SESTD1: variants seen among roughly 807,000 people sequenced by gnomAD.
SESTD1 encodes the protein SEC14 and spectrin domain containing 1.
A neutral mutation model predicts 101.7 loss-of-function variants in SESTD1; 43 were observed. The ratio of observed to expected loss-of-function variants is 0.42; its 90% confidence interval spans 0.33 to 0.55. The LOEUF is 0.55. Ranked by LOEUF, SESTD1 falls within the 20% of genes least tolerant of loss-of-function variation. The probability of loss-of-function intolerance (pLI) is 0.07; values close to 1 mark genes in which losing one functional copy is unlikely to be tolerated. For synonymous variants in SESTD1, 283 were observed against 286.8 expected (o/e 0.99, Z 0.13); for missense variants, 647 against 815.1 (o/e 0.79, Z 2.51).
intron 13 of SESTD1, among the ~76,000 whole-genome samples, chr2:179,121,016 G>T (rs1311446723): frequency 6.6e-6 from 1 of 152,134 alleles, no homozygotes; most frequent in Non-Finnish European, 1.5e-5. Flanking sequence ...GATATTTTTT[G>T]ATATAAACGG....
intron 5 of SESTD1, among the ~76,000 whole-genome samples, chr2:179,161,576 C>T (rs148355764): frequency 0.026 from 4,001 of 151,484 alleles, 83 homozygotes; most frequent in Non-Finnish European, 0.035. Flanking sequence ...CAAGGAGAAT[C>T]GCTTGAACCC....
rs1215406890 is a variant in SESTD1 at position 179,172,267 on chromosome 2, C to A, written c.256-34G>T. On this transcript the variant is annotated intron_variant, in intron 4 of 17. Transcript: ENST00000428443. The stretch of plus-strand genomic sequence containing the variant: ...TACAGAAAAATAATTACAAATTACA[C>A]ATGTAAAATGAATAATTTACTAAAT... 4 of 1,362,578 alleles carry A rather than the reference C, an allele frequency of 2.9e-6. No individual in the cohort carries two copies. The South Asian group carries it at 4.0e-5, about 13-fold the overall frequency. 84.4% of individuals were successfully genotyped at this position (1,362,578 alleles called of 1,614,324 possible). A position where few individuals can be genotyped will look rare whatever the true frequency, so the allele number is the denominator to read the frequency against.
chr2:179,219,525 A>G (rs2046783894), intron 1 of SESTD1, among the ~76,000 whole-genome samples: 1 of 152,236 alleles, frequency 6.6e-6, no homozygotes, highest in Admixed American at 6.5e-5. Flanking sequence ...AGTTATAACT[A>G]TCCTTAAGTT....
chr2:179,140,208 G>A (rs1249354580), intron 9 of SESTD1, among the ~76,000 whole-genome samples: 16 of 152,008 alleles, frequency 1.1e-4, no homozygotes, highest in Admixed American at 1.0e-3. Context: ...CCCTCCTATA[G>A]GCTGAACTGT....
At chr2:179,127,392 T>A (rs547615012) in intron 10 of SESTD1, among the ~76,000 whole-genome samples, 1 of 152,368 alleles carries the variant, frequency 6.6e-6, no homozygotes, top group South Asian at 2.1e-4. Context: ...TAAGACAGTA[T>A]TATATGGCAA....
At chr2:179,190,959 G>T (rs2046310909) in intron 2 of SESTD1, among the ~76,000 whole-genome samples, 1 of 152,244 alleles carries the variant, frequency 6.6e-6, no homozygotes, top group African/African-American at 2.4e-5. Context: ...GGAGAAAGCA[G>T]TTTGGAGACT....
intron 16 of SESTD1, among the ~76,000 whole-genome samples, chr2:179,113,553 C>CT (rs1274309863): frequency 2.0e-5 from 3 of 152,018 alleles, no homozygotes. Flanking sequence ...ATTTTTACAA[C>CT]TTTTTTTTGC....
intron 16 of SESTD1, among the ~76,000 whole-genome samples, chr2:179,114,396 C>G (rs1436934478): frequency 6.6e-6 from 1 of 151,994 alleles, no homozygotes; most frequent in African/African-American, 2.4e-5. Flanking sequence ...TGTAAGAGAT[C>G]AAAACAAAAT....
chr2:179,178,944 G>A (rs2046059988), intron 3 of SESTD1, among the ~76,000 whole-genome samples: 1 of 152,174 alleles, frequency 6.6e-6, no homozygotes, highest in Non-Finnish European at 1.5e-5. Context: ...ACCATCTGTA[G>A]TGATCTTAAA....
In SESTD1 at chr2:179,232,943, G is replaced by A. The variant is rs536838842; in HGVS notation, c.-26+31556C>T. On this transcript the variant is annotated intron_variant, in intron 1 of 17. Transcript: ENST00000428443. ...TGGAGAAGTGGTAGAAAAGATGGGAGGTATGATCAACACTTTTCTGTGTAT... is the reference window on the plus strand; with the variant it reads ...TGGAGAAGTGGTAGAAAAGATGGGAAGTATGATCAACACTTTTCTGTGTAT... Among the ~76,000 whole-genome samples, 19 of 152,184 alleles carry A rather than the reference G, an allele frequency of 1.2e-4. 1 individual carries two copies. Among genetic ancestry groups the A allele is most frequent in the Admixed American group, 1.1e-3 (17 of 15,288 alleles).
At chr2:179,233,677 A>C (rs10181291) in intron 1 of SESTD1, among the ~76,000 whole-genome samples, 43,626 of 152,000 alleles carry the variant, frequency 0.29, 6,542 homozygotes, top group South Asian at 0.43. Flanking sequence ...TTGTCTCAAA[A>C]TCTTGACCTC....
rs1218549951 is a variant in SESTD1 at position 179,207,732 on chromosome 2, G to A, written c.-25-15866C>T. Among the ~76,000 whole-genome samples, 2 of 134,694 alleles carry A rather than the reference G, an allele frequency of 1.5e-5. 1 individual carries two copies. Among genetic ancestry groups the A allele is most frequent in the Non-Finnish European group, 3.2e-5 (2 of 62,690 alleles). 88.4% of individuals were successfully genotyped at this position (134,694 alleles called of 152,430 possible). ...CAAAAGAATCTGAACAGCAGCCCCT[G>A]AGTTCCAGATCTTTCCACTGAAACA... On this transcript the variant is annotated intron_variant, in intron 1 of 17. Transcript: ENST00000428443.
chr2:179,102,961 C>G lies in SESTD1; in HGVS notation c.*6938G>C, dbSNP rs1259721459. On this transcript the variant is annotated 3_prime_UTR_variant, in exon 18 of 18. Transcript: ENST00000428443. ...GGTGACTCTCTCTCACATAGCTGTA[C>G]CTGGGGCTTACTAGCAATACATGCT... 6.6e-6 allele frequency: 1 copy of G among 152,102 alleles called. No homozygotes were observed. Among genetic ancestry groups the G allele is most frequent in the African/African-American group, 2.4e-5 (1 of 41,426 alleles). The allele number at this position is 152,102 out of a possible 1,614,324, so 9.4% of individuals were successfully genotyped here.
At chr2:179,202,181 T>C (rs547099616) in intron 1 of SESTD1, among the ~76,000 whole-genome samples, 1 of 133,550 alleles carries the variant, frequency 7.5e-6, no homozygotes, top group Admixed American at 7.3e-5. Context: ...TTAATAAAAC[T>C]GCAAGTTTTA....
At chr2:179,235,460 T>C (rs1267615885) in intron 1 of SESTD1, among the ~76,000 whole-genome samples, 1 of 152,208 alleles carries the variant, frequency 6.6e-6, no homozygotes, top group Non-Finnish European at 1.5e-5. Context: ...TTAGGTAAAA[T>C]TACAGTCATC....
intron 1 of SESTD1, among the ~76,000 whole-genome samples, chr2:179,254,263 T>TA (rs1262847643): frequency 1.3e-5 from 2 of 152,114 alleles, no homozygotes; most frequent in East Asian, 3.9e-4. Context: ...ATTTAGGAGC[T>TA]AAAAAAGAAA....
intron 2 of SESTD1, among the ~76,000 whole-genome samples, chr2:179,187,031 A>G (rs910284466): frequency 6.6e-6 from 1 of 152,218 alleles, no homozygotes. Flanking sequence ...ACTAAGCTTT[A>G]TAAGTGAAGG....
chr2:179,189,474 G>A (rs900681375), intron 2 of SESTD1, among the ~76,000 whole-genome samples: 1 of 152,054 alleles, frequency 6.6e-6, no homozygotes, highest in Non-Finnish European at 1.5e-5. Context: ...ATGCTGAACA[G>A]GCAAATGCTA....
At chr2:179,139,095 T>C (rs1221029886) in intron 9 of SESTD1, among the ~76,000 whole-genome samples, 3 of 152,146 alleles carry the variant, frequency 2.0e-5, no homozygotes, top group African/African-American at 2.4e-5. Context: ...CATATTCCCA[T>C]TGTAATGTTC....
Sources: gnomAD v4.1 joint callset for allele counts (sites outside exome capture counted in the v4.1 genomes callset) on GRCh38, gnomAD v4.1.1 for gene constraint, MANE v1.5 for transcripts, NCBI Gene and HGNC (gene_info 2026-07-23, HGNC 2026-07-21) for gene names.